Variants in RASSF3 observed in about 807,000 individuals in gnomAD.
The protein encoded by RASSF3 is ras association domain-containing protein 3.
Under a neutral mutation model 19.9 loss-of-function variants are expected in RASSF3, and 19 were observed. That is an observed-to-expected ratio of 0.96 (90% CI 0.67 to 1.40). The LOEUF (loss-of-function observed/expected upper bound fraction) is 1.40, where lower values mean the gene tolerates loss of function less well. RASSF3 is among the 40% of genes most tolerant of loss of function. The probability of loss-of-function intolerance (pLI) is 0.00; values close to 1 mark genes in which losing one functional copy is unlikely to be tolerated. For synonymous variants in RASSF3, 110 were observed against 104.2 expected (o/e 1.06, Z -0.34); for missense variants, 306 against 289.8 (o/e 1.06, Z -0.41).
chr12:64,635,342 C>T (rs1437423309), intron 1 of RASSF3, among the ~76,000 whole-genome samples: 2 of 152,082 alleles, frequency 1.3e-5, no homozygotes, highest in African/African-American at 4.8e-5. Context: ...ACATTTATTA[C>T]GTGCCTGTCT....
chr12:64,644,522 C>G (rs1392237937), intron 1 of RASSF3, among the ~76,000 whole-genome samples: 1 of 151,930 alleles, frequency 6.6e-6, no homozygotes, highest in Non-Finnish European at 1.5e-5. Flanking sequence ...ATGGAGAAAC[C>G]CCATCTCCGC....
chr12:64,513,165 C>T (rs905442220), intron 1 of RASSF3, among the ~76,000 whole-genome samples: 1 of 152,036 alleles, frequency 6.6e-6, no homozygotes. Flanking sequence ...AGATTTCAGG[C>T]TGGGTGCAGT....
At chr12:64,590,004 GAAAAAA>G (rs572265732) in intron 2 of RASSF3, among the ~76,000 whole-genome samples, 1 of 54,378 alleles carries the variant, frequency 1.8e-5, no homozygotes, top group Non-Finnish European at 3.6e-5. Context: ...TCGGTCTCAG[GAAAAAA>G]AAAAAAAAAA....
chr12:64,592,101 A>G (rs538085712), intron 2 of RASSF3, among the ~76,000 whole-genome samples: 1 of 152,242 alleles, frequency 6.6e-6, no homozygotes, highest in East Asian at 1.9e-4. Context: ...AGGTTTCACC[A>G]TGTTGCCCAG....
At chr12:64,684,931 C>A in intron 2 of RASSF3, 37 bp downstream of exon 2, 1 of 1,167,066 alleles carries the variant, frequency 8.6e-7, no homozygotes, top group Non-Finnish European at 1.3e-6. Context: ...TGACACCTGT[C>A]AAAAGACAAA....
At chr12:64,515,306 C>T (rs1032047478) in intron 1 of RASSF3, among the ~76,000 whole-genome samples, 6 of 152,198 alleles carry the variant, frequency 3.9e-5, no homozygotes, top group African/African-American at 1.4e-4. Context: ...ATCCATCTGC[C>T]TCTGCCTCCC....
rs553376997 is a variant in RASSF3, at chr12:64,635,245, TG to T, written c.111+24503del. On this transcript the variant is annotated intron_variant, in intron 1 of 4. Coordinates refer to ENST00000542104, the MANE Select transcript of RASSF3 (RefSeq NM_178169.4). ...CTGGGATTACAGGCATGAGCCACCATGCCTGGCCGTAGTTTTTTCATAATAT... is the reference window on the plus strand; with the variant it reads ...CTGGGATTACAGGCATGAGCCACCATCCTGGCCGTAGTTTTTTCATAATAT... 3.9e-5 allele frequency among the ~76,000 whole-genome samples: 6 copies of T among 152,238 alleles called. No homozygotes were observed. In the South Asian group the frequency reaches 1.2e-3, roughly 32 times the overall value.
chr12:64,569,896 C>T (rs778329154), intron 2 of RASSF3, among the ~76,000 whole-genome samples: 3 of 152,282 alleles, frequency 2.0e-5, no homozygotes, highest in South Asian at 4.1e-4. Flanking sequence ...ACCGGGGAGG[C>T]GGAGATTGCA....
chr12:64,675,819 T>G (rs1348416025), intron 1 of RASSF3, among the ~76,000 whole-genome samples: 1 of 151,786 alleles, frequency 6.6e-6, no homozygotes, highest in Non-Finnish European at 1.5e-5. Flanking sequence ...ATGGCTGCAC[T>G]AAAAAAGTTG....
intron 4 of RASSF3, among the ~76,000 whole-genome samples, chr12:64,693,241 CTTTG>C (rs1257181885): frequency 1.4e-5 from 2 of 143,076 alleles, no homozygotes. Context: ...ATTTTTCACT[CTTTG>C]TTTGTATTTG....
intron 2 of RASSF3, among the ~76,000 whole-genome samples, chr12:64,599,391 T>C (rs1870050361): frequency 6.6e-6 from 1 of 152,190 alleles, no homozygotes; most frequent in Non-Finnish European, 1.5e-5. Context: ...TCAAAATCAA[T>C]GTTGGAAAGT....
intron 1 of RASSF3, among the ~76,000 whole-genome samples, chr12:64,668,929 A>G (rs1247918643): frequency 3.3e-5 from 5 of 152,024 alleles, no homozygotes; most frequent in Non-Finnish European, 7.4e-5. Flanking sequence ...TCGGCCTCCC[A>G]AAGTGCTGGG....
chr12:64,641,599 C>A (rs1199398868), intron 1 of RASSF3, among the ~76,000 whole-genome samples: 6 of 150,290 alleles, frequency 4.0e-5, no homozygotes, highest in Non-Finnish European at 8.8e-5. Flanking sequence ...GAGTTTGAGA[C>A]CAGCCAGGCA....
chr12:64,622,520 A>C (rs17120527), intron 1 of RASSF3: 2 of 530,710 alleles, frequency 3.8e-6, no homozygotes, highest in South Asian at 2.8e-5. Context: ...ATTGGCATCT[A>C]TTAGGTTGGT....
At chr12:64,674,981 T>C (rs1022239613) in intron 1 of RASSF3, among the ~76,000 whole-genome samples, 2 of 150,222 alleles carry the variant, frequency 1.3e-5, no homozygotes, top group Admixed American at 1.3e-4. Flanking sequence ...TCCAGCCTTG[T>C]AAGGTTGCCG....
At chr12:64,661,861 A>T (rs1327143051) in intron 1 of RASSF3, among the ~76,000 whole-genome samples, 1 of 151,242 alleles carries the variant, frequency 6.6e-6, no homozygotes, top group Non-Finnish European at 1.5e-5. Flanking sequence ...TTATATTTTT[A>T]GTAGAGATAG....
chr12:64,524,536 T>C (rs1868544909), intron 1 of RASSF3, among the ~76,000 whole-genome samples: 1 of 152,250 alleles, frequency 6.6e-6, no homozygotes, highest in East Asian at 1.9e-4. Flanking sequence ...GCTGTTGTTC[T>C]ACCTCCACAA....
intron 2 of RASSF3, among the ~76,000 whole-genome samples, chr12:64,558,842 C>T (rs1869298237): frequency 6.6e-6 from 1 of 152,178 alleles, no homozygotes; most frequent in Non-Finnish European, 1.5e-5. Flanking sequence ...AGGGATGTGG[C>T]TTCTGACTGG....
At chr12:64,631,670 C>T (rs1422852544) in intron 1 of RASSF3, among the ~76,000 whole-genome samples, 2 of 152,098 alleles carry the variant, frequency 1.3e-5, no homozygotes, top group Non-Finnish European at 2.9e-5. Flanking sequence ...CTCCCGGGTT[C>T]AAGATTCTCC....
Sources: gnomAD v4.1 joint callset for allele counts (sites outside exome capture counted in the v4.1 genomes callset) on GRCh38, gnomAD v4.1.1 for gene constraint, MANE v1.5 for transcripts, NCBI Gene and HGNC (gene_info 2026-07-23, HGNC 2026-07-21) for gene names.